The following CDH4 variants were observed in gnomAD, a reference collection of about 807,000 sequenced individuals.
CDH4 encodes cadherin-4.
CDH4 carries 33 observed loss-of-function variants against 86.0 expected under a neutral mutation model. The ratio of observed to expected loss-of-function variants is 0.38; its 90% CI spans 0.29 to 0.51. The LOEUF (loss-of-function observed/expected upper bound fraction) is 0.51. CDH4 is among the 20% of genes least tolerant of loss of function. CDH4 has a pLI of 0.86. For missense variants in CDH4, 1,114 were observed against 1,307.4 expected, an observed-to-expected ratio of 0.85 and a Z score of 2.28; for synonymous variants, 555 against 549.4, an observed-to-expected ratio of 1.01 and a Z score of -0.14.
intron 5 of CDH4, among the ~76,000 whole-genome samples, 182 bp downstream of exon 5, chr20:61,845,005 C>T (rs569665676): frequency 2.4e-4 from 37 of 152,358 alleles, no homozygotes; most frequent in African/African-American, 7.9e-4. Context: ...CACTGTCCCC[C>T]GTCTAATTCA....
intron 4 of CDH4, among the ~76,000 whole-genome samples, chr20:61,784,850 T>A (rs907280078): frequency 6.6e-6 from 1 of 152,144 alleles, no homozygotes; most frequent in African/African-American, 2.4e-5. Context: ...CCTTTGCAGC[T>A]CTGGATGGCG....
At chr20:61,905,429 G>A (rs890725804) in intron 8 of CDH4, among the ~76,000 whole-genome samples, 1 of 152,128 alleles carries the variant, frequency 6.6e-6, no homozygotes, top group African/African-American at 2.4e-5. Context: ...ACAGGCCCTC[G>A]CTAAAACAGC....
In CDH4 at chr20:61,517,802, G is replaced by C. The variant is rs1022525907; in HGVS notation, c.170-225761G>C. On this transcript the variant is annotated intron_variant, in intron 2 of 15. Coordinates refer to ENST00000614565, the MANE Select transcript of CDH4 (RefSeq NM_001794.5). This position sits in a 1 kb window ranked among gnomAD's most constrained non-coding sequence, Gnocchi z 6.6. ...TATGGTTTTCATCCTGAAATACGTGGTCAGTCCAGGGTTCATCGTTTTAGC... is the reference window on the plus strand; with the variant it reads ...TATGGTTTTCATCCTGAAATACGTGCTCAGTCCAGGGTTCATCGTTTTAGC... Among the ~76,000 whole-genome samples, 9 of 152,216 alleles carry C rather than the reference G, an allele frequency of 5.9e-5. No homozygotes were observed. The highest frequency in any genetic ancestry group is 1.2e-4 in the African/African-American group (5 of 41,464).
chr20:61,729,301 G>A (rs1246297704), intron 2 of CDH4, among the ~76,000 whole-genome samples: 2 of 152,232 alleles, frequency 1.3e-5, no homozygotes, highest in Admixed American at 6.5e-5. Flanking sequence ...GTGGGCACCA[G>A]TAGGACTGGC....
chr20:61,903,414 G>T (rs915164712), intron 8 of CDH4, among the ~76,000 whole-genome samples: 1 of 152,038 alleles, frequency 6.6e-6, no homozygotes, highest in Admixed American at 6.5e-5. Flanking sequence ...GCATGATGGC[G>T]GGTGCTTGTA....
chr20:61,538,827 G>T (rs1181446533), intron 2 of CDH4, among the ~76,000 whole-genome samples: 1 of 152,208 alleles, frequency 6.6e-6, no homozygotes, highest in African/African-American at 2.4e-5. Context: ...GCTCCCTGCT[G>T]CAGGCCAGGC....
At chr20:61,644,846 G>C (rs1475081963) in intron 2 of CDH4, among the ~76,000 whole-genome samples, 2 of 152,244 alleles carry the variant, frequency 1.3e-5, no homozygotes, top group East Asian at 3.9e-4. Context: ...GGCCTGTCCA[G>C]CCTGCAGAAA....
intron 6 of CDH4, among the ~76,000 whole-genome samples, chr20:61,861,036 A>G (rs1983299002): frequency 6.6e-6 from 1 of 152,190 alleles, no homozygotes; most frequent in African/African-American, 2.4e-5. Flanking sequence ...AGAGCAAGCA[A>G]CAGATGAAAA....
intron 2 of CDH4, among the ~76,000 whole-genome samples, chr20:61,289,449 G>A (rs552396455): frequency 1.2e-4 from 19 of 152,196 alleles, no homozygotes; most frequent in African/African-American, 3.9e-4. Context: ...TGCCACCAGC[G>A]CATGCCAACA....
chr20:61,406,241 G>C (rs1243369148), intron 2 of CDH4, among the ~76,000 whole-genome samples: 1 of 151,876 alleles, frequency 6.6e-6, no homozygotes, highest in African/African-American at 2.4e-5. Context: ...ACCACCATCT[G>C]CTCTACCCGG....
chr20:61,330,226 TG>T (rs545208385), intron 2 of CDH4, among the ~76,000 whole-genome samples: 110 of 152,310 alleles, frequency 7.2e-4, no homozygotes, highest in African/African-American at 2.6e-3. Flanking sequence ...CTGGGTCAAA[TG>T]GTTCTAGATC....
chr20:61,867,603 G>T (rs1275355951), intron 6 of CDH4, among the ~76,000 whole-genome samples: 1 of 150,050 alleles, frequency 6.7e-6, no homozygotes, highest in African/African-American at 2.4e-5. Flanking sequence ...CCCAAGTAAA[G>T]TGGGGGATTC....
intron 7 of CDH4, among the ~76,000 whole-genome samples, chr20:61,886,889 G>A (rs143391783): frequency 5.9e-5 from 9 of 152,334 alleles, no homozygotes; most frequent in Non-Finnish European, 1.2e-4. Flanking sequence ...GCCCTGCCCT[G>A]TGGTTAACGT....
At position 61,928,184 on chromosome 20, in the gene CDH4, C is replaced by T; in HGVS notation, c.1772-6C>T. The T allele has an allele frequency of 1.3e-6, 2 of 1,596,772 alleles. No individual in the cohort carries two copies. Among genetic ancestry groups the T allele is most frequent in the Non-Finnish European group, 1.7e-6 (2 of 1,177,284 alleles). ...GCCCGTGTGGTGACCTGTGTCTGTT[C>T]CACAGGGATACCCCCGGCCAGCGGC... On this transcript the variant is annotated splice_polypyrimidine_tract_variant and splice_region_variant and intron_variant, in intron 11 of 15. Transcript: ENST00000614565.
intron 3 of CDH4, among the ~76,000 whole-genome samples, chr20:61,747,672 G>A (rs1360481248): frequency 6.6e-6 from 1 of 152,162 alleles, no homozygotes; most frequent in Non-Finnish European, 1.5e-5. Flanking sequence ...ATTTGACATA[G>A]CTGAAGAATT....
At chr20:61,655,905 G>A (rs1374664385) in intron 2 of CDH4, among the ~76,000 whole-genome samples, 1 of 152,228 alleles carries the variant, frequency 6.6e-6, no homozygotes, top group Non-Finnish European at 1.5e-5. Flanking sequence ...CTCCAAGGCT[G>A]CATGTGCCTG....
intron 9 of CDH4, among the ~76,000 whole-genome samples, chr20:61,916,468 G>C (rs1053205229): frequency 6.6e-6 from 1 of 152,190 alleles, no homozygotes; most frequent in Non-Finnish European, 1.5e-5. Flanking sequence ...CACAGTGCCC[G>C]GCACAAGGTA....
intron 2 of CDH4, among the ~76,000 whole-genome samples, chr20:61,426,919 T>C (rs1204646144): frequency 6.6e-6 from 1 of 152,240 alleles, no homozygotes; most frequent in Non-Finnish European, 1.5e-5. Context: ...AGCTGTATAG[T>C]CCTGGGCTAA....
In CDH4 at chr20:61,773,049, C is replaced by T. The variant is rs1410537320; in HGVS notation, c.443C>T (p.Pro148Leu). 4 of 1,613,640 alleles carry T rather than the reference C, an allele frequency of 2.5e-6. No individual in the cohort carries two copies. Among genetic ancestry groups the T allele is most frequent in the Admixed American group, 3.3e-5 (2 of 60,004 alleles). Residue 148 changes from proline (P) to leucine (L), a missense_variant, in exon 4 of 16, where the codon CCG becomes CTG. Physicochemically the swap from Pro to Leu is moderately conservative, Grantham distance 98. Around this residue, in one of 3 missense-constraint regions of CDH4, gnomAD observed 221 missense variants for 209.5 expected, o/e 1.05. Coordinates refer to ENST00000614565, the MANE Select transcript of CDH4 (RefSeq NM_001794.5). ...KVVALDPSPP[P>L]KDTLLPWPQH... ...GTGGCTCTGGACCCCTCTCCGCCTC[C>T]GAAGGACACCCTGCTGCCGTGGCCC...
Sources: gnomAD v4.1 joint callset for allele counts (sites outside exome capture counted in the v4.1 genomes callset) on GRCh38, gnomAD v4.1.1 for gene constraint, gnomAD v4.1.1 regional missense constraint, Gnocchi (gnomAD v3.1) non-coding constraint, MANE v1.5 for transcripts, NCBI Gene and HGNC (gene_info 2026-07-23, HGNC 2026-07-21) for gene names.